Variants in FANCD2OS observed in about 807,000 individuals in gnomAD.
FANCD2OS encodes FANCD2 opposite strand, also known as FANCD2 opposite strand protein.
Under a neutral mutation model 13.2 loss-of-function variants are expected in FANCD2OS, and 11 were observed. The observed-to-expected ratio is 0.83, with a 90% confidence interval of 0.52 to 1.38. The LOEUF (loss-of-function observed/expected upper bound fraction) is 1.38, where lower values mean the gene tolerates loss of function less well. Ranked by LOEUF, FANCD2OS falls within the 40% of genes most tolerant of loss-of-function variation. The pLI, the probability that FANCD2OS is intolerant of heterozygous loss-of-function variation, is 0.00. For missense variants in FANCD2OS, 217 were observed against 213.9 expected (o/e 1.01, Z -0.09); for synonymous variants, 69 against 84.5 (o/e 0.82, Z 1.01).
At chr3:10,087,262 T>C (rs537921299) in intron 2 of FANCD2OS, 1 of 1,604,862 alleles carries the variant, frequency 6.2e-7, no homozygotes, top group South Asian at 1.1e-5. Context: ...AAAGAAAAAA[T>C]TGGTGATGGG....
At chr3:10,101,247 T>C (rs1328696495), downstream of FANCD2OS, 11 of 1,611,724 alleles carry the variant, frequency 6.8e-6, no homozygotes, top group Non-Finnish European at 8.5e-6. Flanking sequence ...ATGAGAGTTA[T>C]GATGACTCTG....
chr3:10,087,126 C>T lies in FANCD2OS; in HGVS notation c.*44-5595G>A, dbSNP rs375557064. On this transcript the variant is annotated intron_variant, in intron 2 of 2. Transcript: ENST00000524279. ...TTGCATTTGTTTGTTTTTCTTGTCT[C>T]CTTACAGCCAGAGCGTCCATTACTT... The T allele has an allele frequency of 9.3e-6, 15 of 1,613,838 alleles. No homozygotes were observed. Among genetic ancestry groups the T allele is most frequent in the African/African-American group, 1.3e-5 (1 of 74,906 alleles).
rs1219769782 is a variant in FANCD2OS, at chr3:10,104,377, T to A, written c.398A>T (p.Glu133Val). 1.2e-6 allele frequency: 2 copies of A among 1,614,180 alleles called. No homozygotes were observed. The highest frequency in any genetic ancestry group is 3.3e-5 in the Admixed American group (2 of 60,024). ...CTTCAGTCCAATGGGCCACTGGTGC[T>A]CCCTGCTAATGATTTTGCAAAAGGC... The part of the protein sequence containing the change: ...KSAFCKIISR[E>V]HQWPIGLKEP... The change falls in exon 2 of 2, where the codon GAG becomes GTG. Residue 133 changes from glutamate (E) to valine (V), a missense_variant. Glu to Val is a moderately radical substitution (Grantham distance 121). Transcript: ENST00000450660.
At chr3:10,096,680 C>G (rs1694985620) in intron 2 of FANCD2OS, among the ~76,000 whole-genome samples, 1 of 152,098 alleles carries the variant, frequency 6.6e-6, no homozygotes, top group Non-Finnish European at 1.5e-5. Flanking sequence ...CAGCAAGGCA[C>G]CAAAACATGC....
intron 2 of FANCD2OS, chr3:10,095,236 G>T (rs1694883773): frequency 8.7e-6 from 14 of 1,614,146 alleles, no homozygotes; most frequent in Non-Finnish European, 1.2e-5. Context: ...CTTCCAGTTG[G>T]ACACAAGGCT....
At chr3:10,090,471 T>TC (rs1694528523) in intron 2 of FANCD2OS, 2 of 808,416 alleles carry the variant, frequency 2.5e-6, no homozygotes, top group East Asian at 3.0e-5. Flanking sequence ...TTTTTTTTTT[T>TC]CTGAGACAGA....
In FANCD2OS at chr3:10,085,941, G is replaced by C. The variant is rs759189761; in HGVS notation, c.*44-4410C>G. The C allele has an allele frequency of 2.0e-6, 3 of 1,527,692 alleles. No homozygotes were observed. The South Asian group carries it at 3.4e-5, about 17-fold the overall frequency. The allele number at this position is 1,527,692 out of a possible 1,614,324, so 94.6% of individuals were successfully genotyped here. Reference sequence around the variant, plus strand: ...TACTCAGGTGAGTCATAACTACATAGCCAAGATTGTTGTCCCAAGAAACTC... The same window carrying C: ...TACTCAGGTGAGTCATAACTACATACCCAAGATTGTTGTCCCAAGAAACTC... On this transcript the variant is annotated intron_variant, in intron 2 of 2. Transcript: ENST00000524279.
chr3:10,092,352 C>A, intron 2 of FANCD2OS: 1 of 893,280 alleles, frequency 1.1e-6, no homozygotes, highest in Non-Finnish European at 1.9e-6. Context: ...TCCCACTCTT[C>A]CTTGGGGCCT....
intron 2 of FANCD2OS, chr3:10,087,197 T>G: frequency 6.2e-7 from 1 of 1,613,894 alleles, no homozygotes; most frequent in Non-Finnish European, 8.5e-7. Context: ...GTGCTCTTTA[T>G]CTCATCAGAC....
At chr3:10,085,494 C>T (rs1019170862) in intron 2 of FANCD2OS, among the ~76,000 whole-genome samples, 1 of 151,230 alleles carries the variant, frequency 6.6e-6, no homozygotes, top group East Asian at 1.9e-4. Flanking sequence ...CGAGTTCTAG[C>T]GATTCTTCTG....
intron 2 of FANCD2OS, among the ~76,000 whole-genome samples, chr3:10,083,951 T>G (rs1184792656): frequency 2.6e-5 from 4 of 151,462 alleles, no homozygotes; most frequent in Non-Finnish European, 5.9e-5. Context: ...TTGAGCAATT[T>G]AGCCTGTGGT....
chr3:10,096,620 T>C (rs1171373613), intron 2 of FANCD2OS: 4 of 792,228 alleles, frequency 5.0e-6, no homozygotes, highest in Non-Finnish European at 8.6e-6. Flanking sequence ...CTTAAAGTTA[T>C]GGTACATTAC....
intron 1 of FANCD2OS, among the ~76,000 whole-genome samples, chr3:10,105,790 A>ATT (rs1695476817): frequency 1.6e-5 from 1 of 61,764 alleles, no homozygotes; most frequent in Non-Finnish European, 2.8e-5. Context: ...ATATATATAT[A>ATT]TATATATATA....
At chr3:10,081,703 T>C (rs1693849029) in intron 2 of FANCD2OS, among the ~76,000 whole-genome samples, 1 of 152,208 alleles carries the variant, frequency 6.6e-6, no homozygotes, top group South Asian at 2.1e-4. Context: ...GATGAGCTGA[T>C]AACAGATGTG....
chr3:10,082,783 T>A (rs1693925267), intron 2 of FANCD2OS, among the ~76,000 whole-genome samples: 1 of 152,228 alleles, frequency 6.6e-6, no homozygotes. Flanking sequence ...AATCTCATTT[T>A]ATTATAATTA....
At position 10,096,334 on chromosome 3, in the gene FANCD2OS, G is replaced by A. The variant is rs370343891; in HGVS notation, c.*43+7864C>T. The A allele has an allele frequency of 1.2e-6, 2 of 1,613,906 alleles. No homozygotes were observed. Among genetic ancestry groups the A allele is most frequent in the African/African-American group, 2.7e-5 (2 of 74,882 alleles). ...TATTTATTTCCATTCAGATTCACCA[G>A]GACACGAGACTCACCCAACATGTGC... On this transcript the variant is annotated intron_variant, in intron 2 of 2. Transcript: ENST00000524279.
chr3:10,105,763 AAAAAAAAATT>A (rs1406908360), intron 1 of FANCD2OS, among the ~76,000 whole-genome samples: 15 of 71,628 alleles, frequency 2.1e-4, no homozygotes, highest in African/African-American at 4.1e-4. Flanking sequence ...AAAAAAAAAA[AAAAAAAAATT>A]ATATATATAT....
At chr3:10,087,143 C>G (rs771466741) in intron 2 of FANCD2OS, 1 of 1,614,090 alleles carries the variant, frequency 6.2e-7, no homozygotes, top group Non-Finnish European at 8.5e-7. Flanking sequence ...GCCAGAGCGT[C>G]CATTACTTGC....
In FANCD2OS at chr3:10,104,053, T is replaced by C; in HGVS notation, c.*188A>G. ...ACCTTACAATGGGAATGTTCTTCCT[T>C]GTTCTCTATCATTGGTCCTTTTTTG... On this transcript the variant is annotated 3_prime_UTR_variant, in exon 2 of 2. Transcript: ENST00000450660. The C allele has an allele frequency of 1.7e-6, 1 of 591,522 alleles. No homozygotes were observed. The allele number at this position is 591,522 out of a possible 1,614,324, so 36.6% of individuals were successfully genotyped here. A position where few individuals can be genotyped will look rare whatever the true frequency, so the allele number is the denominator to read the frequency against.
Sources: gnomAD v4.1 joint callset for allele counts (sites outside exome capture counted in the v4.1 genomes callset) on GRCh38, gnomAD v4.1.1 for gene constraint, MANE v1.5 for transcripts, NCBI Gene and HGNC (gene_info 2026-07-23, HGNC 2026-07-21) for gene names.